C1orf162: variants seen among roughly 807,000 people sequenced by gnomAD.
The protein encoded by C1orf162 is transmembrane protein C1orf162.
Under a neutral mutation model 11.4 loss-of-function variants are expected in C1orf162, and 10 were observed. The observed-to-expected ratio is 0.88, with a 90% CI of 0.54 to 1.48. The LOEUF (loss-of-function observed/expected upper bound fraction) is 1.48, where lower values mean the gene tolerates loss of function less well. C1orf162 is among the 40% of genes most tolerant of loss of function. C1orf162 has a pLI of 0.00. For synonymous variants in C1orf162, 53 were observed against 55.0 expected (o/e 0.96, Z 0.16); for missense variants, 140 against 149.5 (o/e 0.94, Z 0.33).
chr1:111,476,946 T>G, intron 3 of C1orf162, 79 bp downstream of exon 3: 1 of 1,485,680 alleles, frequency 6.7e-7, no homozygotes, highest in Non-Finnish European at 9.4e-7. Flanking sequence ...GGCTTGGGGA[T>G]TTGGGCAGGG....
chr1:111,478,424 G>A lies in C1orf162; in HGVS notation c.*301G>A, dbSNP rs1004173626. 2.9e-6 allele frequency: 1 copy of A among 349,538 alleles called. No homozygotes were observed. Among genetic ancestry groups the A allele is most frequent in the Admixed American group, 4.2e-5 (1 of 23,672 alleles). 21.7% of individuals were successfully genotyped at this position (349,538 alleles called of 1,614,324 possible). ...TGTGGTACAGAGCTCAGTGCACAGA[G>A]TATTCACCCAGCATCATGAATCAAC... On this transcript the variant is annotated 3_prime_UTR_variant, in exon 6 of 6. Coordinates refer to ENST00000369718, the MANE Select transcript of C1orf162 (RefSeq NM_001300834.2).
intron 3 of C1orf162, chr1:111,477,098 G>A (rs1571388734): frequency 4.7e-6 from 3 of 641,092 alleles, no homozygotes; most frequent in Admixed American, 2.8e-5. Flanking sequence ...GCTGGGTGGG[G>A]AATTATGAAC....
intron 1 of C1orf162, chr1:111,475,711 G>A (rs1301894283): frequency 1.4e-5 from 4 of 284,582 alleles, no homozygotes; most frequent in African/African-American, 4.2e-5. Flanking sequence ...ATGTTATTTC[G>A]GCTTATACAT....
intron 1 of C1orf162, chr1:111,475,761 G>C: frequency 2.4e-6 from 1 of 420,412 alleles, no homozygotes; most frequent in Non-Finnish European, 4.5e-6. Flanking sequence ...CAGTTCTGGA[G>C]AAATCAGTCA....
chr1:111,476,831 C>A lies in C1orf162; in HGVS notation c.71C>A (p.Thr24Lys). 1 of 1,614,088 alleles carries A rather than the reference C, an allele frequency of 6.2e-7. No individual in the cohort carries two copies. Among genetic ancestry groups the A allele is most frequent in the South Asian group, 1.1e-5 (1 of 91,082 alleles). ...GGCACTCTCTCCACAGCAGCCCCAA[C>A]AACTAGCCCTGCACCCTGTCTCTCT... ...RQGTLSTAAP[T>K]TSPAPCLSNH... The change falls in exon 3 of 6, where the codon ACA becomes AAA. Residue 24 changes from threonine to lysine, a missense_variant. By Grantham distance (78) the Thr-to-Lys change is moderately conservative. Coordinates refer to ENST00000369718, the MANE Select transcript of C1orf162 (RefSeq NM_001300834.2).
chr1:111,477,190 A>G, intron 3 of C1orf162, 144 bp from the exon 4 acceptor site: 1 of 763,472 alleles, frequency 1.3e-6, no homozygotes, highest in South Asian at 1.8e-5. Context: ...TCAAAAGCAA[A>G]AGCTGAAAAC....
rs116446242 is a variant in C1orf162, at chr1:111,476,925, C to T, written c.107+58C>T. The T allele has an allele frequency of 3.6e-3, 5,678 of 1,565,422 alleles. 179 individuals carry two copies. In the African/African-American group the frequency reaches 0.065, roughly 18 times the overall value. ...GTACCACGTGGGATTTGATGTTGTG[C>T]TGACAGCCTCGGCTTGGGGATTTGG... On this transcript the variant is annotated intron_variant, in intron 3 of 5. Transcript: ENST00000369718.
chr1:111,477,437 T>C lies in C1orf162; in HGVS notation c.202+9T>C. The C allele has an allele frequency of 1.2e-6, 2 of 1,604,712 alleles. No individual in the cohort carries two copies. The highest frequency in any genetic ancestry group is 1.7e-6 in the Non-Finnish European group (2 of 1,171,530). Reference sequence around the variant, plus strand: ...AAAGAGCTACAGAAAATGTAAGTGGTCTCCAAGGGATAGGACAGCCCTTCT... The same window carrying C: ...AAAGAGCTACAGAAAATGTAAGTGGCCTCCAAGGGATAGGACAGCCCTTCT... On this transcript the variant is annotated intron_variant, in intron 4 of 5. Coordinates refer to ENST00000369718, the MANE Select transcript of C1orf162 (RefSeq NM_001300834.2).
At position 111,478,215 on chromosome 1, in the gene C1orf162, C is replaced by T. The variant is rs1015525112; in HGVS notation, c.*92C>T. 5 of 1,493,770 alleles carry T rather than the reference C, an allele frequency of 3.3e-6. No individual in the cohort carries two copies. The highest frequency in any genetic ancestry group is 1.2e-5 in the South Asian group (1 of 86,390). 92.5% of individuals were successfully genotyped at this position (1,493,770 alleles called of 1,614,324 possible). ...TCACTTTTTTACAAATTTTGGACCACCACCTGTGTGAAACTGCAGTCGGAG... is the reference window on the plus strand; with the variant it reads ...TCACTTTTTTACAAATTTTGGACCATCACCTGTGTGAAACTGCAGTCGGAG... On this transcript the variant is annotated 3_prime_UTR_variant, in exon 6 of 6. Transcript: ENST00000369718.
chr1:111,474,362 G>A (rs865915547), intron 1 of C1orf162, among the ~76,000 whole-genome samples: 1 of 152,240 alleles, frequency 6.6e-6, no homozygotes, highest in African/African-American at 2.4e-5. Context: ...CGATGATTTT[G>A]TCCATTTATG....
rs1654049580 is a variant in C1orf162 at position 111,477,790 on chromosome 1, C to G, written c.252+15C>G. 6.2e-7 allele frequency: 1 copy of G among 1,613,904 alleles called. No individual in the cohort carries two copies. The highest frequency in any genetic ancestry group is 8.5e-7 in the Non-Finnish European group (1 of 1,179,886). ...CTCCAGCCAAGGTAAGATGACCACA[C>G]TGTTTTGGGGACACTGAAGGGCTAC... On this transcript the variant is annotated intron_variant, in intron 5 of 5. Coordinates refer to ENST00000369718, the MANE Select transcript of C1orf162 (RefSeq NM_001300834.2).
rs934949386 is a variant in C1orf162 at position 111,478,448 on chromosome 1, A to T, written c.*325A>T. 1 of 269,198 alleles carries T rather than the reference A, an allele frequency of 3.7e-6. No individual in the cohort carries two copies. The highest frequency in any genetic ancestry group is 1.2e-3 in the Middle Eastern group (1 of 840). The allele number at this position is 269,198 out of a possible 1,614,324, so 16.7% of individuals were successfully genotyped here. On this transcript the variant is annotated 3_prime_UTR_variant, in exon 6 of 6. Coordinates refer to ENST00000369718, the MANE Select transcript of C1orf162 (RefSeq NM_001300834.2). ...AGTATTCACCCAGCATCATGAATCAACTTGGGAGGAGTCAACCAAATGAAC... is the reference window on the plus strand; with the variant it reads ...AGTATTCACCCAGCATCATGAATCATCTTGGGAGGAGTCAACCAAATGAAC...
Position 111,478,132 on chromosome 1 carries a change from T to G in C1orf162, c.*9T>G, listed in dbSNP as rs1185502631. 6.2e-7 allele frequency: 1 copy of G among 1,614,092 alleles called. No homozygotes were observed. The highest frequency in any genetic ancestry group is 8.5e-7 in the Non-Finnish European group (1 of 1,179,922). ...TTAAAGTAACAAACTAACTCAGCTT[T>G]TCCAATGAGGCTTGAATCCATTTCC... On this transcript the variant is annotated 3_prime_UTR_variant, in exon 6 of 6. Transcript: ENST00000369718.
At position 111,476,750 on chromosome 1, in the gene C1orf162, A is replaced by AAG. The variant is rs1654002772; in HGVS notation, c.38-48_38-47insAG. The AAG allele has an allele frequency of 3.2e-6, 5 of 1,584,826 alleles. No homozygotes were observed. The African/African-American group carries it at 5.4e-5, about 17-fold the overall frequency. On this transcript the variant is annotated intron_variant, in intron 2 of 5. Coordinates refer to ENST00000369718, the MANE Select transcript of C1orf162 (RefSeq NM_001300834.2). ...CTGGGGAAACTTAAGCTGGAAGGGT[A>AAG]TCATGAAAAGTGACAGATACACTAA...
rs777590211 is a variant in C1orf162, at chr1:111,477,291, A to G, written c.108-43A>G. The G allele has an allele frequency of 2.3e-5, 36 of 1,551,106 alleles. No individual in the cohort carries two copies. The East Asian group carries it at 8.1e-4, about 35-fold the overall frequency. On this transcript the variant is annotated intron_variant, in intron 3 of 5. Transcript: ENST00000369718. The stretch of plus-strand genomic sequence containing the variant: ...GTTTCACTCTTTAGGAAAGGCCTTC[A>G]AAAGCCCAACAGTTCATCCCCTGCC...
In C1orf162 at chr1:111,476,075, C is replaced by T. The variant is rs755584221; in HGVS notation, c.37+10C>T. 1.1e-5 allele frequency: 18 copies of T among 1,610,672 alleles called. No homozygotes were observed. The highest frequency in any genetic ancestry group is 1.6e-4 in the Middle Eastern group (1 of 6,066). On this transcript the variant is annotated intron_variant, in intron 2 of 5. Coordinates refer to ENST00000369718, the MANE Select transcript of C1orf162 (RefSeq NM_001300834.2). ...TGTAAACCCGACACTGGTGAGTTTACGACAGGAATAATTACCTGCCTCACG... is the reference window on the plus strand; with the variant it reads ...TGTAAACCCGACACTGGTGAGTTTATGACAGGAATAATTACCTGCCTCACG...
chr1:111,476,902 A>G (rs1192285203), intron 3 of C1orf162, 35 bp downstream of exon 3: 1 of 1,600,570 alleles, frequency 6.2e-7, no homozygotes, highest in African/African-American at 1.3e-5. Context: ...TTCATCTTGT[A>G]CCACGTGGGA....
chr1:111,477,335 A>G lies in C1orf162; in HGVS notation c.109A>G (p.Lys37Glu), dbSNP rs1654023701. ...PAPCLSNHHN[K>E]KHLILAFCAG... ...CCCTGCCTTTCTTTGCCAAAACAGC[A>G]AAAAACATTTAATCCTTGCCTTTTG... The change falls in exon 4 of 6, where the codon AAA becomes GAA. Residue 37 changes from lysine to glutamate, a missense_variant and splice_region_variant. Transcript: ENST00000369718. 3 of 1,613,812 alleles carry G rather than the reference A, an allele frequency of 1.9e-6. No homozygotes were observed. Among genetic ancestry groups the G allele is most frequent in the East Asian group, 2.2e-5 (1 of 44,896 alleles).
Position 111,478,341 on chromosome 1 carries a change from T to C in C1orf162, c.*218T>C. The stretch of plus-strand genomic sequence containing the variant: ...AGATTGATGGCCCTCCCACTTGAAC[T>C]GACAGCCTGTGAGCCCCTTGGGGGC... On this transcript the variant is annotated 3_prime_UTR_variant, in exon 6 of 6. Coordinates refer to ENST00000369718, the MANE Select transcript of C1orf162 (RefSeq NM_001300834.2). 1 of 608,294 alleles carries C rather than the reference T, an allele frequency of 1.6e-6. No homozygotes were observed. The highest frequency in any genetic ancestry group is 2.9e-6 in the Non-Finnish European group (1 of 350,008). 37.7% of individuals were successfully genotyped at this position (608,294 alleles called of 1,614,324 possible).
Sources: allele counts gnomAD v4.1 joint callset (sites outside exome capture counted in the v4.1 genomes callset), GRCh38; gene constraint gnomAD v4.1.1; transcripts MANE v1.5; gene names NCBI Gene and HGNC (gene_info 2026-07-23, HGNC 2026-07-21).